The following CADM2 variants were observed in gnomAD, a reference collection of about 807,000 sequenced individuals.
The protein encoded by CADM2 is cell adhesion molecule 2, also known as immunoglobulin superfamily member 4D.
In CADM2, 12 loss-of-function variants were observed where a neutral mutation model predicts 49.8. That is an observed-to-expected ratio of 0.24 (90% CI 0.15 to 0.39). The LOEUF is 0.39. Ranked by LOEUF, CADM2 falls within the 10% of genes least tolerant of loss-of-function variation. The pLI, the probability that CADM2 is intolerant of heterozygous loss-of-function variation, is 1.00. For missense variants in CADM2, 378 were observed against 492.3 expected, an observed-to-expected ratio of 0.77 and a Z score of 2.20; for synonymous variants, 214 against 175.4, an observed-to-expected ratio of 1.22 and a Z score of -1.74.
chr3:85,794,970 T>A (rs1290033796), intron 2 of CADM2, among the ~76,000 whole-genome samples: 1 of 152,088 alleles, frequency 6.6e-6, no homozygotes, highest in Non-Finnish European at 1.5e-5. Flanking sequence ...ATATTTTAAT[T>A]GACAAATAAT....
chr3:85,820,096 A>G (rs1489694464), intron 3 of CADM2, among the ~76,000 whole-genome samples: 4 of 152,106 alleles, frequency 2.6e-5, no homozygotes, highest in African/African-American at 9.7e-5. Context: ...GCCAGAAGTA[A>G]AGACACTCTG....
At chr3:85,402,136 A>G (rs1677359823) in intron 1 of CADM2, among the ~76,000 whole-genome samples, 1 of 152,090 alleles carries the variant, frequency 6.6e-6, no homozygotes, top group Non-Finnish European at 1.5e-5. Context: ...TAATACTTAA[A>G]CCATGATTAA....
In CADM2 at chr3:85,369,972, A is replaced by T. The variant is rs1022651025; in HGVS notation, c.62-356550A>T. 3.1e-4 allele frequency among the ~76,000 whole-genome samples: 46 copies of T among 146,064 alleles called. 1 individual carries two copies. Among genetic ancestry groups the T allele is most frequent in the Admixed American group, 2.5e-3 (37 of 14,766 alleles). ...TGAATGGAAAGAGATGTTTTTAATT[A>T]AAAAAAACAGCAAAATCAGAAGGAT... On this transcript the variant is annotated intron_variant, in intron 1 of 9. Transcript: ENST00000383699.
chr3:85,386,156 T>G (rs1368569133), intron 1 of CADM2, among the ~76,000 whole-genome samples: 1 of 152,166 alleles, frequency 6.6e-6, no homozygotes, highest in Non-Finnish European at 1.5e-5. Context: ...CACAGGCCTC[T>G]GGAGGTTTCA....
chr3:85,130,927 A>C (rs2039205934), intron 1 of CADM2, among the ~76,000 whole-genome samples: 1 of 152,240 alleles, frequency 6.6e-6, no homozygotes, highest in Non-Finnish European at 1.5e-5. Context: ...TCAGGCCTGT[A>C]ATCCCAGCAC....
At chr3:85,515,560 T>TACAGGAGAGTGCCACCACGCCC (rs2060875016) in intron 1 of CADM2, among the ~76,000 whole-genome samples, 3 of 144,538 alleles carry the variant, frequency 2.1e-5, no homozygotes, top group African/African-American at 2.6e-5. Context: ...GTAGCTGGGA[T>TACAGGAGAGTGCCACCACGCCC]TACAGGAGAG....
chr3:85,489,985 A>T (rs2039604438), intron 1 of CADM2, among the ~76,000 whole-genome samples: 1 of 152,136 alleles, frequency 6.6e-6, no homozygotes, highest in African/African-American at 2.4e-5. Context: ...GATATTCATT[A>T]CTGAAATCCT....
intron 1 of CADM2, among the ~76,000 whole-genome samples, chr3:85,164,370 C>T (rs2040413285): frequency 6.6e-6 from 1 of 151,964 alleles, no homozygotes; most frequent in African/African-American, 2.4e-5. Flanking sequence ...TATTTTCTGC[C>T]TCTGAGAGGC....
intron 1 of CADM2, among the ~76,000 whole-genome samples, chr3:85,388,074 G>C (rs1371244247): frequency 6.6e-6 from 1 of 152,192 alleles, no homozygotes; most frequent in Non-Finnish European, 1.5e-5. Context: ...AGGGAACCAG[G>C]CTGCATTGCA....
intron 1 of CADM2, among the ~76,000 whole-genome samples, chr3:85,607,265 A>T (rs2063562015): frequency 6.6e-6 from 1 of 152,182 alleles, no homozygotes; most frequent in Non-Finnish European, 1.5e-5. Flanking sequence ...TTCATAAATG[A>T]TGAATAAATA....
chr3:85,330,291 C>T (rs1267046332), intron 1 of CADM2, among the ~76,000 whole-genome samples: 1 of 152,132 alleles, frequency 6.6e-6, no homozygotes, highest in Non-Finnish European at 1.5e-5. Context: ...CTGGATGAGT[C>T]GCTTGTTCTC....
At chr3:84,992,384 A>C (rs543836960) in intron 1 of CADM2, among the ~76,000 whole-genome samples, 1 of 152,206 alleles carries the variant, frequency 6.6e-6, no homozygotes, top group Non-Finnish European at 1.5e-5. Context: ...CAATGCTAGT[A>C]CTTTGGCAAG....
chr3:85,646,124 G>A (rs1178575195), intron 1 of CADM2, among the ~76,000 whole-genome samples: 1 of 151,912 alleles, frequency 6.6e-6, no homozygotes, highest in East Asian at 1.9e-4. Context: ...TACATTCAAT[G>A]TTAAACCTAA....
intron 1 of CADM2, among the ~76,000 whole-genome samples, chr3:85,272,423 A>G (rs2043263216): frequency 6.6e-6 from 1 of 151,284 alleles, no homozygotes; most frequent in Non-Finnish European, 1.5e-5. Context: ...TCTGAAAAAG[A>G]AAAAAAGATA....
At chr3:85,158,996 C>T (rs1456051242) in intron 1 of CADM2, among the ~76,000 whole-genome samples, 1 of 152,048 alleles carries the variant, frequency 6.6e-6, no homozygotes, top group East Asian at 1.9e-4. Flanking sequence ...GAGAAAGTTC[C>T]GTTTACAGCA....
rs113376099 is a variant in CADM2, at chr3:85,177,612, G to A, written c.61+217944G>A. On this transcript the variant is annotated intron_variant, in intron 1 of 9. Coordinates refer to ENST00000383699, the MANE Select transcript of CADM2 (RefSeq NM_001167675.2). ...AGGTGACTGCAGAAAACCCAAAAAT[G>A]TAGTTAATTGTATAAATGTAAATAT... is the stretch of plus-strand genomic sequence containing the variant. 2.0e-3 allele frequency among the ~76,000 whole-genome samples: 304 copies of A among 151,114 alleles called. 1 individual carries two copies. Among genetic ancestry groups the A allele is most frequent in the African/African-American group, 7.1e-3 (289 of 40,940 alleles).
chr3:85,998,494 C>T (rs1160440059), intron 8 of CADM2, among the ~76,000 whole-genome samples: 2 of 152,086 alleles, frequency 1.3e-5, no homozygotes, highest in African/African-American at 4.8e-5. Context: ...GAGCAGTACA[C>T]ATTTAGTTTG....
intron 3 of CADM2, among the ~76,000 whole-genome samples, chr3:85,841,491 G>A (rs2074635891): frequency 6.6e-6 from 1 of 151,634 alleles, no homozygotes; most frequent in African/African-American, 2.4e-5. Context: ...TACTATTCTT[G>A]TTAGAGGAAA....
At chr3:85,457,047 G>C (rs2038023349) in intron 1 of CADM2, among the ~76,000 whole-genome samples, 1 of 151,828 alleles carries the variant, frequency 6.6e-6, no homozygotes, top group Non-Finnish European at 1.5e-5. Context: ...CTGATAATCA[G>C]GCATGTTTTT....
Sources: allele counts gnomAD v4.1 joint callset (sites outside exome capture counted in the v4.1 genomes callset), GRCh38; gene constraint gnomAD v4.1.1; transcripts MANE v1.5; gene names NCBI Gene and HGNC (gene_info 2026-07-23, HGNC 2026-07-21).